The following EVC variants were observed in gnomAD, a reference collection of about 807,000 sequenced individuals.
EVC encodes the protein evC complex member EVC.
A neutral mutation model predicts 118.9 loss-of-function variants in EVC; 116 were observed. That is an observed-to-expected ratio of 0.98 (90% CI 0.84 to 1.14). The LOEUF is 1.14. Ranked by LOEUF, EVC falls within the 50% of genes most tolerant of loss-of-function variation. EVC has a pLI of 0.00. For synonymous variants in EVC, 619 were observed against 534.7 expected, an observed-to-expected ratio of 1.16 and a Z score of -2.18; for missense variants, 1,401 against 1,246.4, an observed-to-expected ratio of 1.12 and a Z score of -1.87.
chr4:5,748,404 T>G, intron 8 of EVC, 98 bp downstream of exon 8: 1 of 1,355,660 alleles, frequency 7.4e-7, no homozygotes, highest in Non-Finnish European at 1.0e-6. Context: ...ATTCATGTTG[T>G]AGCTGGTTAT....
rs200161588 is a variant in EVC, at chr4:5,719,298, C to G, written c.225C>G (p.Thr75=). 6.2e-7 allele frequency: 1 copy of G among 1,614,074 alleles called. No individual in the cohort carries two copies. ...LLKNLESNAQ[T]PSETGSPSRR... The stretch of plus-strand genomic sequence containing the variant: ...AGAATTTGGAGTCTAATGCGCAGAC[C>G]CCCTCGGAAACTGGCTCCCCATCAA... The change falls in exon 2 of 21, where the codon ACC becomes ACG. Residue 75 remains threonine (T), a synonymous_variant. Transcript: ENST00000264956. The surrounding 1 kb of genome is among the most constrained non-coding windows in gnomAD (Gnocchi z 4.7).
chr4:5,821,754 C>T, the EVC span: 1 of 1,605,916 alleles, frequency 6.2e-7, no homozygotes, highest in East Asian at 2.2e-5. This position sits in a 1 kb window ranked among gnomAD's most constrained non-coding sequence, Gnocchi z 4.4. Context: ...CTCCGCGCAT[C>T]CACGTTCAAC....
In EVC at chr4:5,731,773, G is replaced by A. The variant is rs928037733; in HGVS notation, c.617+116G>A. 9 of 1,052,108 alleles carry A rather than the reference G, an allele frequency of 8.6e-6. No homozygotes were observed. In the Admixed American group the frequency reaches 1.8e-4, roughly 21 times the overall value. The allele number at this position is 1,052,108 out of a possible 1,614,324, so 65.2% of individuals were successfully genotyped here. On this transcript the variant is annotated intron_variant, in intron 4 of 20. Coordinates refer to ENST00000264956, the MANE Select transcript of EVC (RefSeq NM_153717.3). This position sits in a 1 kb window ranked among gnomAD's most constrained non-coding sequence, Gnocchi z 5.6. ...CAGAGAGGTTCAGTGACTCTGCCAG[G>A]GACACACAGCGACCCAGCGTCACCA...
At chr4:5,750,893 G>T (rs1329171687) in intron 8 of EVC, among the ~76,000 whole-genome samples, 1 of 152,172 alleles carries the variant, frequency 6.6e-6, no homozygotes, top group African/African-American at 2.4e-5. Context: ...GATGGCTTCC[G>T]TATCTCAGAA....
At chr4:5,778,066 C>T (rs1206916757) in intron 11 of EVC, among the ~76,000 whole-genome samples, 3 of 150,476 alleles carry the variant, frequency 2.0e-5, no homozygotes, top group Non-Finnish European at 2.9e-5. Flanking sequence ...TCATTTCCCA[C>T]CTATGAGTGA....
At chr4:5,780,351 A>C (rs1456715294) in intron 11 of EVC, among the ~76,000 whole-genome samples, 1 of 152,244 alleles carries the variant, frequency 6.6e-6, no homozygotes, top group Non-Finnish European at 1.5e-5. Context: ...ACAATTATCC[A>C]TGTAGCACAC....
chr4:5,766,399 G>T (rs6821265), intron 11 of EVC, among the ~76,000 whole-genome samples: 2 of 125,738 alleles, frequency 1.6e-5, no homozygotes, highest in Admixed American at 8.1e-5. Flanking sequence ...TGCTCTTCTC[G>T]AGGAGTATCT....
At chr4:5,722,449 A>G (rs1208742171) in intron 2 of EVC, among the ~76,000 whole-genome samples, 1 of 152,188 alleles carries the variant, frequency 6.6e-6, no homozygotes, top group Non-Finnish European at 1.5e-5. Context: ...GCTTGTCAAA[A>G]TATGTGGTCA....
chr4:5,819,821 T>G, the EVC span, among the ~76,000 whole-genome samples: 2 of 152,172 alleles, frequency 1.3e-5, no homozygotes, highest in Non-Finnish European at 2.9e-5. Flanking sequence ...TCTTGGTCTT[T>G]CTCAGTAGTT....
chr4:5,753,496 G>A (rs376376884), intron 9 of EVC, among the ~76,000 whole-genome samples: 4 of 152,286 alleles, frequency 2.6e-5, no homozygotes, highest in African/African-American at 9.6e-5. Flanking sequence ...TCCAGCATGT[G>A]GGGCAGGAAG....
chr4:5,813,777 TCTTC>T lies in EVC; in HGVS notation c.*2744_*2747del, dbSNP rs756237815. ...CATGGAGCATTTTGCTTCTGGGGTG[TCTTC>T]CTTAGCCAAAGGGAACGTGTCATTT... On this transcript the variant is annotated 3_prime_UTR_variant, in exon 21 of 21. Coordinates refer to ENST00000264956, the MANE Select transcript of EVC (RefSeq NM_153717.3). The T allele has an allele frequency of 6.6e-6, 1 of 152,196 alleles. No homozygotes were observed. Among genetic ancestry groups the T allele is most frequent in the Non-Finnish European group, 1.5e-5 (1 of 68,062 alleles). 9.4% of individuals were successfully genotyped at this position (152,196 alleles called of 1,614,324 possible). A position where few individuals can be genotyped will look rare whatever the true frequency, so the allele number is the denominator to read the frequency against.
chr4:5,826,570 C>G, the EVC span: 8 of 152,324 alleles, frequency 5.3e-5, no homozygotes, highest in African/African-American at 1.9e-4. Flanking sequence ...GCAGGGCTTC[C>G]AGGCAGGAGG....
At chr4:5,728,970 A>T (rs1383653040) in intron 2 of EVC, among the ~76,000 whole-genome samples, 1 of 151,788 alleles carries the variant, frequency 6.6e-6, no homozygotes, top group African/African-American at 2.4e-5. Flanking sequence ...CCACCCATCT[A>T]TCTCTCCACC....
intron 2 of EVC, among the ~76,000 whole-genome samples, chr4:5,720,880 G>A (rs1418409776): frequency 1.8e-5 from 2 of 111,770 alleles, no homozygotes; most frequent in African/African-American, 6.4e-5. Context: ...AGGAAAATAT[G>A]AGTTAACTTT....
At chr4:5,786,922 A>C (rs1453506923) in intron 12 of EVC, among the ~76,000 whole-genome samples, 1 of 152,080 alleles carries the variant, frequency 6.6e-6, no homozygotes, top group Non-Finnish European at 1.5e-5. Flanking sequence ...TCCACCTGCC[A>C]TATTTCCTCA....
chr4:5,804,908 T>C, intron 17 of EVC, 67 bp downstream of exon 17: 1 of 1,394,388 alleles, frequency 7.2e-7, no homozygotes, highest in Non-Finnish European at 1.0e-6. Flanking sequence ...TATCTCTCTG[T>C]GGTGCCGTCA....
chr4:5,793,886 ATGC>A (rs1240655286), intron 13 of EVC, among the ~76,000 whole-genome samples, 169 bp downstream of exon 13: 2 of 152,186 alleles, frequency 1.3e-5, no homozygotes, highest in Non-Finnish European at 2.9e-5. Context: ...AAATGGGATA[ATGC>A]TATCTATTTG....
Position 5,789,310 on chromosome 4 carries a change from C to T in EVC, c.1777-4298C>T, listed in dbSNP as rs956416289. On this transcript the variant is annotated intron_variant, in intron 12 of 20. Coordinates refer to ENST00000264956, the MANE Select transcript of EVC (RefSeq NM_153717.3). This position sits in a 1 kb window ranked among gnomAD's most constrained non-coding sequence, Gnocchi z 4.3. ...CCTCTGACCGCAACTGCATGCTGCC[C>T]CCAGCCCCAGTGGTTCCTTGCACTC... is the stretch of plus-strand genomic sequence containing the variant. 6.6e-6 allele frequency among the ~76,000 whole-genome samples: 1 copy of T among 152,148 alleles called. No individual in the cohort carries two copies. The highest frequency in any genetic ancestry group is 1.5e-5 in the Non-Finnish European group (1 of 68,022).
At chr4:5,753,608 G>A (rs1286759843) in intron 9 of EVC, among the ~76,000 whole-genome samples, 177 bp from the exon 10 acceptor site, 1 of 152,154 alleles carries the variant, frequency 6.6e-6, no homozygotes, top group Non-Finnish European at 1.5e-5. Flanking sequence ...GCTTAGCTGA[G>A]GTCACACTAC....
Sources: allele counts gnomAD v4.1 joint callset (sites outside exome capture counted in the v4.1 genomes callset), GRCh38; gene constraint gnomAD v4.1.1; non-coding constraint Gnocchi (gnomAD v3.1); transcripts MANE v1.5; gene names NCBI Gene and HGNC (gene_info 2026-07-23, HGNC 2026-07-21).